The following ANHX variants were observed in gnomAD, a reference collection of about 807,000 sequenced individuals.
ANHX encodes anomalous homeobox protein.
ANHX carries 20 observed loss-of-function variants against 38.9 expected under a neutral mutation model. The ratio of observed to expected loss-of-function variants is 0.51; its 90% confidence interval spans 0.36 to 0.75. The LOEUF is 0.75. Among genes scored for constraint, ANHX ranks in the 30% least tolerant of loss-of-function variants. ANHX has a pLI of 0.00. For synonymous variants in ANHX, 185 were observed against 203.1 expected (o/e 0.91, Z 0.76); for missense variants, 475 against 493.1 (o/e 0.96, Z 0.35).
At chr12:133,226,192 G>T in intron 6 of ANHX, 126 bp downstream of exon 6, 2 of 1,456,780 alleles carry the variant, frequency 1.4e-6, no homozygotes, top group Non-Finnish European at 1.8e-6. Flanking sequence ...CTCTCCCTGG[G>T]GTCTGACCTG....
chr12:133,235,769 C>G (rs1386754023), intron 1 of ANHX, 38 bp downstream of exon 1: 1 of 139,634 alleles, frequency 7.2e-6, no homozygotes, highest in Non-Finnish European at 1.6e-5. Flanking sequence ...CCGCGCGTCC[C>G]TCATCCTCCC....
chr12:133,225,219 C>T (rs1957173611), intron 7 of ANHX, among the ~76,000 whole-genome samples: 2 of 152,028 alleles, frequency 1.3e-5, no homozygotes, highest in Non-Finnish European at 2.9e-5. Flanking sequence ...CTCTGCTGCA[C>T]CCGGTGTTAA....
intron 7 of ANHX, among the ~76,000 whole-genome samples, chr12:133,224,875 G>A (rs1377969587): frequency 2.7e-5 from 4 of 149,790 alleles, no homozygotes; most frequent in South Asian, 2.1e-4. Context: ...GCTGAGGCAG[G>A]AGAATGGCGT....
At chr12:133,228,680 G>A (rs1016423877) in intron 3 of ANHX, among the ~76,000 whole-genome samples, 3 of 152,140 alleles carry the variant, frequency 2.0e-5, no homozygotes, top group Non-Finnish European at 4.4e-5. Flanking sequence ...TGGGGCCCCT[G>A]GTGAGGGGAG....
intron 7 of ANHX, among the ~76,000 whole-genome samples, chr12:133,223,319 A>T (rs1957138490): frequency 6.6e-6 from 1 of 152,136 alleles, no homozygotes; most frequent in African/African-American, 2.4e-5. Flanking sequence ...CTGGTCCCGG[A>T]GTTCCAACAT....
chr12:133,232,547 CCT>C (rs1184842814), intron 2 of ANHX, among the ~76,000 whole-genome samples: 2 of 152,152 alleles, frequency 1.3e-5, no homozygotes, highest in Non-Finnish European at 2.9e-5. Context: ...TTCCCCCTGC[CCT>C]GACGTGGGGG....
At position 133,224,662 on chromosome 12, in the gene ANHX, CAAAA is replaced by C. The variant is rs371166940; in HGVS notation, c.1132+870_1132+873del. 7.8e-3 allele frequency among the ~76,000 whole-genome samples: 596 copies of C among 76,376 alleles called. 4 individuals carry two copies. The highest frequency in any genetic ancestry group is 0.022 in the African/African-American group (369 of 16,462). The allele number at this position is 76,376 out of a possible 152,430, so 50.1% of individuals were successfully genotyped here. On this transcript the variant is annotated intron_variant, in intron 7 of 9. Transcript: ENST00000545940. The stretch of plus-strand genomic sequence containing the variant: ...TGGGTGACAGACCAAGACTCCATCT[CAAAA>C]AAAAAAAAAAAAAAAAATGCTGGGC...
intron 8 of ANHX, among the ~76,000 whole-genome samples, chr12:133,219,704 G>C (rs1379980616): frequency 1.3e-5 from 2 of 152,178 alleles, no homozygotes; most frequent in Admixed American, 1.3e-4. Context: ...ACAAGGGGCG[G>C]TGGTTCTTCA....
intron 7 of ANHX, among the ~76,000 whole-genome samples, chr12:133,224,821 G>T (rs1957165272): frequency 6.6e-6 from 1 of 151,218 alleles, no homozygotes; most frequent in South Asian, 2.1e-4. Flanking sequence ...AAAAAAATTA[G>T]CCAGGCGTGG....
In ANHX at chr12:133,226,962, C is replaced by A. The variant is rs1957197572; in HGVS notation, c.692G>T (p.Gly231Val). 1 of 1,531,210 alleles carries A rather than the reference C, an allele frequency of 6.5e-7. No individual in the cohort carries two copies. The highest frequency in any genetic ancestry group is 1.4e-5 in the African/African-American group (1 of 72,988). The allele number at this position is 1,531,210 out of a possible 1,614,324, so 94.9% of individuals were successfully genotyped here. ...QPSGNPRVDS[G>V]FVDRPQWSEE... Reference sequence around the variant, plus strand: ...TGACCACTGAGGCCTGTCCACAAACCCAGAGTCAACACGGGGGTTGCCTGA... The same window carrying A: ...TGACCACTGAGGCCTGTCCACAAACACAGAGTCAACACGGGGGTTGCCTGA... Residue 231 changes from glycine (G) to valine (V), a missense_variant, in exon 5 of 10, where the codon GGG becomes GTG. By Grantham distance (109) the Gly-to-Val change is moderately radical (BLOSUM62 -3). Coordinates refer to ENST00000545940, the MANE Select transcript of ANHX (RefSeq NM_001372060.1).
chr12:133,235,628 CT>C, intron 1 of ANHX, 178 bp downstream of exon 1: 1 of 149,394 alleles, frequency 6.7e-6, no homozygotes, highest in South Asian at 2.1e-4. Context: ...GACTCCTGCC[CT>C]AGCGCCCCTC....
intron 5 of ANHX, 139 bp downstream of exon 5, chr12:133,226,797 C>T: frequency 1.1e-6 from 1 of 883,326 alleles, no homozygotes; most frequent in East Asian, 2.7e-5. Flanking sequence ...ACCCTGTGAT[C>T]TTGCTCCCAC....
At chr12:133,227,529 T>G (rs935767340) in intron 4 of ANHX, among the ~76,000 whole-genome samples, 10 of 152,346 alleles carry the variant, frequency 6.6e-5, no homozygotes, top group Admixed American at 2.0e-4. Flanking sequence ...GGAGAGCATG[T>G]CAGCTGGCAG....
chr12:133,222,307 G>A (rs529113809), intron 7 of ANHX, among the ~76,000 whole-genome samples: 37 of 152,318 alleles, frequency 2.4e-4, no homozygotes, highest in Non-Finnish European at 4.7e-4. Flanking sequence ...CAGTCAGGAC[G>A]CAAGTGCAGC....
At chr12:133,222,524 C>T (rs534640612) in intron 7 of ANHX, among the ~76,000 whole-genome samples, 8 of 152,308 alleles carry the variant, frequency 5.3e-5, no homozygotes, top group Non-Finnish European at 8.8e-5. Flanking sequence ...AAGACCAGCT[C>T]CTCTTGTCCC....
intron 2 of ANHX, 34 bp downstream of exon 2, chr12:133,234,074 C>G: frequency 2.0e-6 from 3 of 1,530,278 alleles, no homozygotes; most frequent in Non-Finnish European, 2.6e-6. Flanking sequence ...GTTGCTACCT[C>G]TCTCTGTACC....
At chr12:133,229,587 CACA>C (rs1957238817) in intron 3 of ANHX, among the ~76,000 whole-genome samples, 1 of 152,092 alleles carries the variant, frequency 6.6e-6, no homozygotes. Flanking sequence ...AGGGTACTGA[CACA>C]ACACTCTCCA....
At position 133,224,665 on chromosome 12, in the gene ANHX, A is replaced by C. The variant is rs1481781586; in HGVS notation, c.1132+871T>G. On this transcript the variant is annotated intron_variant, in intron 7 of 9. Coordinates refer to ENST00000545940, the MANE Select transcript of ANHX (RefSeq NM_001372060.1). Reference sequence around the variant, plus strand: ...GTGACAGACCAAGACTCCATCTCAAAAAAAAAAAAAAAAAAAAATGCTGGG... The same window carrying C: ...GTGACAGACCAAGACTCCATCTCAACAAAAAAAAAAAAAAAAAATGCTGGG... 3.5e-3 allele frequency among the ~76,000 whole-genome samples: 89 copies of C among 25,594 alleles called. 3 individuals are homozygous for C. Among genetic ancestry groups the C allele is most frequent in the Middle Eastern group, 0.036 (1 of 28 alleles). 16.8% of individuals were successfully genotyped at this position (25,594 alleles called of 152,430 possible).
At chr12:133,228,977 T>C (rs1957230705) in intron 3 of ANHX, among the ~76,000 whole-genome samples, 1 of 152,150 alleles carries the variant, frequency 6.6e-6, no homozygotes, top group African/African-American at 2.4e-5. Flanking sequence ...CAATCCGAAG[T>C]TCATTTCTCA....
Sources: allele counts gnomAD v4.1 joint callset (sites outside exome capture counted in the v4.1 genomes callset), GRCh38; gene constraint gnomAD v4.1.1; transcripts MANE v1.5; gene names NCBI Gene and HGNC (gene_info 2026-07-23, HGNC 2026-07-21).